The following MINDY2 variants were observed in gnomAD, a reference collection of about 807,000 sequenced individuals.
MINDY2 encodes MINDY lysine 48 deubiquitinase 2, also known as ubiquitin carboxyl-terminal hydrolase MINDY-2.
MINDY2 carries 52 observed loss-of-function variants against 68.2 expected under a neutral mutation model. The ratio of observed to expected loss-of-function variants is 0.76; its 90% CI spans 0.61 to 0.96. MINDY2 has a LOEUF of 0.96. MINDY2 is among the 40% of genes least tolerant of loss of function. The pLI, the probability that MINDY2 is intolerant of heterozygous loss-of-function variation, is 0.00. For missense variants in MINDY2, 881 were observed against 773.4 expected, an observed-to-expected ratio of 1.14 and a Z score of -1.65; for synonymous variants, 372 against 303.0, an observed-to-expected ratio of 1.23 and a Z score of -2.36.
rs1300301353 is a variant in MINDY2 at position 58,831,478 on chromosome 15, C to CT, written c.1226-290dup. Reference sequence around the variant, plus strand: ...ATGGCTTTTAGTTTTATTGTGTCTGCTTTTTTACTGCAACCTGCATGAAAT... The same window carrying CT: ...ATGGCTTTTAGTTTTATTGTGTCTGCTTTTTTTACTGCAACCTGCATGAAAT... On this transcript the variant is annotated intron_variant, in intron 5 of 8. Coordinates refer to ENST00000559228, the MANE Select transcript of MINDY2 (RefSeq NM_001040450.3). Among the ~76,000 whole-genome samples, 4 of 152,132 alleles carry CT rather than the reference C, an allele frequency of 2.6e-5. No individual in the cohort carries two copies. In the South Asian group the frequency reaches 6.2e-4, roughly 24 times the overall value.
chr15:58,818,488 TGAA>T (rs1331085967), intron 4 of MINDY2, among the ~76,000 whole-genome samples: 2 of 152,092 alleles, frequency 1.3e-5, no homozygotes, highest in African/African-American at 4.8e-5. Flanking sequence ...ATTCCTGGAC[TGAA>T]GCCGTCCTCC....
At position 58,810,366 on chromosome 15, in the gene MINDY2, A is replaced by C; in HGVS notation, c.1100A>C (p.His367Pro). Residue 367 changes from histidine (H) to proline (P), a missense_variant, in exon 4 of 9, where the codon CAT becomes CCT. Physicochemically the swap from His to Pro is moderately conservative, Grantham distance 77. Coordinates refer to ENST00000559228, the MANE Select transcript of MINDY2 (RefSeq NM_001040450.3). The stretch of plus-strand genomic sequence containing the variant: ...GATCTTCTTGATATTCCTTTGTACC[A>C]TGGGTGGTTAGTAGACCCTCAGGTA... The part of the protein sequence containing the change: ...VFDLLDIPLY[H>P]GWLVDPQIDD... The C allele has an allele frequency of 6.2e-7, 1 of 1,602,272 alleles. No homozygotes were observed. The highest frequency in any genetic ancestry group is 8.5e-7 in the Non-Finnish European group (1 of 1,175,340).
At chr15:58,801,978 C>G (rs1902696120) in intron 2 of MINDY2, among the ~76,000 whole-genome samples, 1 of 152,140 alleles carries the variant, frequency 6.6e-6, no homozygotes, top group East Asian at 1.9e-4. Flanking sequence ...ACTGATAATA[C>G]CCATTGTTGG....
chr15:58,802,070 A>C (rs1482173690), intron 2 of MINDY2, among the ~76,000 whole-genome samples: 1 of 148,314 alleles, frequency 6.7e-6, no homozygotes, highest in Non-Finnish European at 1.5e-5. Flanking sequence ...AATAACATGG[A>C]ATGATGCTGA....
chr15:58,847,456 G>A lies in MINDY2; in HGVS notation c.1528G>A (p.Asp510Asn), dbSNP rs1162486668. The change falls in exon 7 of 9, where the codon GAT becomes AAT. Residue 510 changes from aspartate to asparagine, a missense_variant. By Grantham distance (23) the Asp-to-Asn change is conservative. Coordinates refer to ENST00000559228, the MANE Select transcript of MINDY2 (RefSeq NM_001040450.3). ...DPETVYKGQQ[D>N]QIDQDYLMAL... ...TGAAACTGTATACAAAGGACAACAAGATCAGATAGATCAGGTAAATTTGTA... is the reference window on the plus strand; with the variant it reads ...TGAAACTGTATACAAAGGACAACAAAATCAGATAGATCAGGTAAATTTGTA... The A allele has an allele frequency of 3.9e-6, 6 of 1,550,608 alleles. No homozygotes were observed. The highest frequency in any genetic ancestry group is 5.3e-6 in the Non-Finnish European group (6 of 1,135,000).
chr15:58,778,411 G>A (rs1900909543), intron 1 of MINDY2, among the ~76,000 whole-genome samples: 1 of 151,646 alleles, frequency 6.6e-6, no homozygotes, highest in South Asian at 2.1e-4. Flanking sequence ...GAATGCCAGG[G>A]TCCTGAAGCA....
intron 1 of MINDY2, among the ~76,000 whole-genome samples, chr15:58,773,947 A>G (rs188935515): frequency 1.0e-3 from 159 of 152,316 alleles, no homozygotes; most frequent in African/African-American, 3.7e-3. Context: ...GCCCTCAACT[A>G]GGGAGTTAGT....
At chr15:58,833,863 T>C (rs1270660335) in intron 6 of MINDY2, among the ~76,000 whole-genome samples, 1 of 152,050 alleles carries the variant, frequency 6.6e-6, no homozygotes, top group Non-Finnish European at 1.5e-5. Flanking sequence ...CTAATCTTCC[T>C]CAGCACAGAC....
At chr15:58,843,576 A>G (rs1055722728) in intron 6 of MINDY2, among the ~76,000 whole-genome samples, 2 of 152,156 alleles carry the variant, frequency 1.3e-5, no homozygotes, top group Admixed American at 6.6e-5. Context: ...ACCCTCGTAA[A>G]TTAATTCTAC....
chr15:58,799,591 AAAAG>A (rs1235785780), intron 2 of MINDY2, among the ~76,000 whole-genome samples: 1 of 152,060 alleles, frequency 6.6e-6, no homozygotes, highest in African/African-American at 2.4e-5. Flanking sequence ...AAAAAAAAAA[AAAAG>A]CAAACACTAG....
intron 4 of MINDY2, among the ~76,000 whole-genome samples, chr15:58,819,341 A>G (rs2030908880): frequency 6.6e-6 from 1 of 152,010 alleles, no homozygotes; most frequent in African/African-American, 2.4e-5. Context: ...CCAGCTATGC[A>G]GGAGGCTGAG....
intron 5 of MINDY2, among the ~76,000 whole-genome samples, chr15:58,831,394 C>T (rs1017168704): frequency 1.3e-4 from 20 of 152,120 alleles, no homozygotes; most frequent in African/African-American, 4.8e-4. Context: ...TGTTGACTGA[C>T]ATTTTTCTTT....
In MINDY2 at chr15:58,805,365, A is replaced by C. The variant is rs143003293; in HGVS notation, c.963+2988A>C. Among the ~76,000 whole-genome samples, 1,233 of 152,334 alleles carry C rather than the reference A, an allele frequency of 8.1e-3. 7 individuals carry two copies. The highest frequency in any genetic ancestry group is 0.014 in the Middle Eastern group (4 of 294). ...CCTAATTTTAGAAAGACCAACACAGAGCTGCAATATTCCCATTTAAAACTC... is the reference window on the plus strand; with the variant it reads ...CCTAATTTTAGAAAGACCAACACAGCGCTGCAATATTCCCATTTAAAACTC... On this transcript the variant is annotated intron_variant, in intron 3 of 8. Coordinates refer to ENST00000559228, the MANE Select transcript of MINDY2 (RefSeq NM_001040450.3).
At chr15:58,788,004 A>C in intron 2 of MINDY2, 41 bp downstream of exon 2, 1 of 1,405,974 alleles carries the variant, frequency 7.1e-7, no homozygotes, top group Non-Finnish European at 9.8e-7. Context: ...TTTCAAAACA[A>C]AAGTTTTCAA....
chr15:58,787,871 A>C lies in MINDY2; in HGVS notation c.841-35A>C, dbSNP rs371830694. The C allele has an allele frequency of 3.7e-5, 54 of 1,478,598 alleles. No homozygotes were observed. In the African/African-American group the frequency reaches 7.0e-4, roughly 19 times the overall value. 91.6% of individuals were successfully genotyped at this position (1,478,598 alleles called of 1,614,324 possible). ...AAGAAATACTTTAGTCACCTAAAAC[A>C]TTTAATTTTATAGAAATAATATTTT... On this transcript the variant is annotated intron_variant, in intron 1 of 8. Transcript: ENST00000559228.
chr15:58,854,200 C>T (rs1171601582), intron 8 of MINDY2, among the ~76,000 whole-genome samples: 7 of 150,608 alleles, frequency 4.6e-5, no homozygotes, highest in African/African-American at 1.7e-4. Context: ...GACAAGATTG[C>T]ACCATTGCAC....
At chr15:58,838,196 G>A (rs1318746492) in intron 6 of MINDY2, among the ~76,000 whole-genome samples, 3 of 151,338 alleles carry the variant, frequency 2.0e-5, no homozygotes, top group African/African-American at 7.3e-5. Flanking sequence ...TCAGGAGTTC[G>A]AGACCAGCCT....
At chr15:58,832,713 G>C (rs1177882155) in intron 6 of MINDY2, among the ~76,000 whole-genome samples, 4 of 150,358 alleles carry the variant, frequency 2.7e-5, no homozygotes, top group African/African-American at 7.4e-5. Context: ...TTTTAGTAGA[G>C]ACAGGGTTTC....
intron 6 of MINDY2, among the ~76,000 whole-genome samples, chr15:58,841,928 G>C (rs183101778): frequency 1.3e-5 from 2 of 152,114 alleles, no homozygotes; most frequent in Admixed American, 1.3e-4. Flanking sequence ...ATATGATCAT[G>C]ACTGTTGGAT....
Sources: allele counts gnomAD v4.1 joint callset (sites outside exome capture counted in the v4.1 genomes callset), GRCh38; gene constraint gnomAD v4.1.1; transcripts MANE v1.5; gene names NCBI Gene and HGNC (gene_info 2026-07-23, HGNC 2026-07-21).